The following VPS13A variants were observed in gnomAD, a reference collection of about 807,000 sequenced individuals.
VPS13A encodes vacuolar protein sorting 13 homolog A.
Under a neutral mutation model 390.9 loss-of-function variants are expected in VPS13A, and 264 were observed. The observed-to-expected ratio is 0.68, with a 90% CI of 0.61 to 0.75. The LOEUF (loss-of-function observed/expected upper bound fraction) is 0.75, where lower values mean the gene tolerates loss of function less well. VPS13A is among the 30% of genes least tolerant of loss of function. VPS13A has a pLI of 0.00. For synonymous variants in VPS13A, 1,231 were observed against 1,227.1 expected (o/e 1.00, Z -0.07); for missense variants, 3,409 against 3,733.9 (o/e 0.91, Z 2.27).
intron 52 of VPS13A, among the ~76,000 whole-genome samples, chr9:77,346,189 T>C (rs1002252577): frequency 1.3e-4 from 20 of 152,140 alleles, no homozygotes; most frequent in African/African-American, 4.6e-4. Flanking sequence ...TATTTTTTTT[T>C]AATTTAAATT....
chr9:77,230,402 G>A (rs1046194557), intron 17 of VPS13A, among the ~76,000 whole-genome samples: 8 of 151,626 alleles, frequency 5.3e-5, no homozygotes, highest in Non-Finnish European at 1.2e-4. Flanking sequence ...GTTAATGTTA[G>A]TGTGTGGTGT....
At chr9:77,243,749 A>G (rs563465015) in intron 19 of VPS13A, among the ~76,000 whole-genome samples, 3 of 152,286 alleles carry the variant, frequency 2.0e-5, no homozygotes, top group Admixed American at 6.5e-5. Flanking sequence ...GTTCTTGCCT[A>G]TTGATAGATG....
At chr9:77,356,112 A>G (rs749086063) in intron 54 of VPS13A, among the ~76,000 whole-genome samples, 6 of 152,186 alleles carry the variant, frequency 3.9e-5, no homozygotes, top group Non-Finnish European at 8.8e-5. Context: ...GCCCCCCACT[A>G]TAAGTCTTAC....
intron 68 of VPS13A, 171 bp downstream of exon 68, chr9:77,382,258 A>AT (rs749473427): frequency 2.9e-4 from 423 of 1,471,334 alleles, no homozygotes; most frequent in Admixed American, 4.5e-4. Flanking sequence ...TTACTATAAG[A>AT]TTTTTTTTTC....
chr9:77,216,301 A>C (rs1564637167), intron 10 of VPS13A, among the ~76,000 whole-genome samples: 1 of 152,204 alleles, frequency 6.6e-6, no homozygotes, highest in Non-Finnish European at 1.5e-5. Context: ...GATAACTGGC[A>C]TACCTGTTGG....
chr9:77,336,911 C>T (rs1375827942), intron 46 of VPS13A, among the ~76,000 whole-genome samples: 1 of 150,680 alleles, frequency 6.6e-6, no homozygotes, highest in Non-Finnish European at 1.5e-5. Flanking sequence ...ATTCTCCTGC[C>T]TCAGCCTCCT....
At chr9:77,392,146 G>T (rs1833921417) in intron 68 of VPS13A, among the ~76,000 whole-genome samples, 1 of 152,158 alleles carries the variant, frequency 6.6e-6, no homozygotes, top group Non-Finnish European at 1.5e-5. Context: ...TTAGGAATCA[G>T]AGACACCTAA....
At chr9:77,232,050 A>T (rs113272623) in intron 17 of VPS13A, among the ~76,000 whole-genome samples, 20 of 152,166 alleles carry the variant, frequency 1.3e-4, no homozygotes, top group African/African-American at 4.6e-4. Context: ...TTGAAAATCA[A>T]TTAGCCATAG....
chr9:77,184,355 A>C (rs1050876829), intron 1 of VPS13A, among the ~76,000 whole-genome samples: 4 of 152,204 alleles, frequency 2.6e-5, no homozygotes, highest in Non-Finnish European at 4.4e-5. Flanking sequence ...ATGATGGCTC[A>C]TGCCTGTAAT....
intron 44 of VPS13A, among the ~76,000 whole-genome samples, chr9:77,322,070 T>G (rs1345276635): frequency 1.3e-5 from 2 of 151,976 alleles, no homozygotes; most frequent in Non-Finnish European, 1.5e-5. Context: ...TTTAGATGTT[T>G]GTGGGGGTTC....
At chr9:77,248,667 A>G (rs1023914057) in intron 20 of VPS13A, among the ~76,000 whole-genome samples, 7 of 152,124 alleles carry the variant, frequency 4.6e-5, no homozygotes, top group Non-Finnish European at 1.0e-4. Flanking sequence ...AAATTAATTC[A>G]GTTTCTTAGT....
chr9:77,183,229 A>G (rs1179815020), intron 1 of VPS13A, among the ~76,000 whole-genome samples: 1 of 152,214 alleles, frequency 6.6e-6, no homozygotes, highest in Non-Finnish European at 1.5e-5. Context: ...TATAATTAAC[A>G]TGCAGTAAAA....
rs369381678 is a variant in VPS13A, at chr9:77,275,595, A to G, written c.2610A>G (p.Gln870=). 1 of 1,613,602 alleles carries G rather than the reference A, an allele frequency of 6.2e-7. No individual in the cohort carries two copies. The highest frequency in any genetic ancestry group is 2.2e-5 in the East Asian group (1 of 44,802). The change falls in exon 25 of 72, where the codon CAA becomes CAG. Residue 870 remains glutamine, a synonymous_variant. Transcript: ENST00000360280. ...GVKSIRTRKL[Q]KQDCSVNMTT... Reference sequence around the variant, plus strand: ...AAAGTATTCGAACCAGAAAGTTACAAAAGCAGGATTGTTCAGTAAATATGA... The same window carrying G: ...AAAGTATTCGAACCAGAAAGTTACAGAAGCAGGATTGTTCAGTAAATATGA...
At chr9:77,290,035 GC>G (rs1461846630) in intron 31 of VPS13A, among the ~76,000 whole-genome samples, 5 of 152,034 alleles carry the variant, frequency 3.3e-5, no homozygotes, top group South Asian at 2.1e-4. Flanking sequence ...ACCCACCTAG[GC>G]CCCCCAGAGT....
intron 56 of VPS13A, 109 bp from the exon 57 acceptor site, chr9:77,358,248 G>A (rs1488974328): frequency 1.0e-6 from 1 of 970,366 alleles, no homozygotes; most frequent in Non-Finnish European, 1.6e-6. Context: ...GAGCCACCGT[G>A]CTTGGTCACC....
intron 3 of VPS13A, among the ~76,000 whole-genome samples, chr9:77,204,167 T>A: frequency 6.6e-6 from 1 of 152,234 alleles, no homozygotes; most frequent in Non-Finnish European, 1.5e-5. Flanking sequence ...TTTAAAAAAA[T>A]TTCCCAATCA....
At chr9:77,194,136 G>A (rs1824848176) in intron 1 of VPS13A, among the ~76,000 whole-genome samples, 1 of 152,144 alleles carries the variant, frequency 6.6e-6, no homozygotes, top group Non-Finnish European at 1.5e-5. Context: ...GCCGTCGGGG[G>A]AGGCTGTGGG....
Position 77,308,114 on chromosome 9 carries a change from C to T in VPS13A, c.4114+16C>T. 1 of 1,613,238 alleles carries T rather than the reference C, an allele frequency of 6.2e-7. No individual in the cohort carries two copies. Among genetic ancestry groups the T allele is most frequent in the Non-Finnish European group, 8.5e-7 (1 of 1,179,404 alleles). On this transcript the variant is annotated intron_variant, in intron 35 of 71. Coordinates refer to ENST00000360280, the MANE Select transcript of VPS13A (RefSeq NM_033305.3). ...CATTCAGGAGGTATGTTTTTAACTT[C>T]AAATTTCTTTCTGCTTTCCTCTTTC...
chr9:77,412,376 C>T (rs1834977849), intron 71 of VPS13A, among the ~76,000 whole-genome samples: 1 of 152,174 alleles, frequency 6.6e-6, no homozygotes, highest in Admixed American at 6.5e-5. Flanking sequence ...TCCAGCAGCA[C>T]ATCAAAAAGC....
Sources: allele counts gnomAD v4.1 joint callset (sites outside exome capture counted in the v4.1 genomes callset), GRCh38; gene constraint gnomAD v4.1.1; transcripts MANE v1.5; gene names NCBI Gene and HGNC (gene_info 2026-07-23, HGNC 2026-07-21).